Variants in RORB observed in about 807,000 individuals in gnomAD.
RORB encodes the protein RAR related orphan receptor B.
RORB carries 6 observed loss-of-function variants against 59.1 expected under a neutral mutation model. The observed-to-expected ratio is 0.10, with a 90% CI of 0.06 to 0.20. The LOEUF is 0.20. Ranked by LOEUF, RORB falls within the 10% of genes least tolerant of loss-of-function variation. The pLI is 1.00. For synonymous variants in RORB, 215 were observed against 204.5 expected (o/e 1.05, Z -0.44); for missense variants, 320 against 560.5 (o/e 0.57, Z 4.33).
chr9:74,595,003 G>A (rs1822950581), intron 1 of RORB, among the ~76,000 whole-genome samples: 1 of 152,078 alleles, frequency 6.6e-6, no homozygotes, highest in Non-Finnish European at 1.5e-5. Context: ...ATAAAACCCA[G>A]GCCCTAAGGA....
chr9:74,679,928 C>T (rs1165930827), intron 9 of RORB, among the ~76,000 whole-genome samples: 1 of 151,968 alleles, frequency 6.6e-6, no homozygotes, highest in Admixed American at 6.6e-5. Flanking sequence ...TGGTGAAATC[C>T]CATCTGTACT....
chr9:74,505,018 G>T (rs560694407), intron 1 of RORB, among the ~76,000 whole-genome samples: 3 of 152,072 alleles, frequency 2.0e-5, no homozygotes, highest in East Asian at 3.9e-4. Context: ...GACTGAATTA[G>T]ATGTACAAAT....
At chr9:74,632,596 CAAT>C (rs770998969) in intron 2 of RORB, among the ~76,000 whole-genome samples, 1 of 151,998 alleles carries the variant, frequency 6.6e-6, no homozygotes. Context: ...ACCTCATTTG[CAAT>C]AATGAGCAAC....
intron 1 of RORB, among the ~76,000 whole-genome samples, chr9:74,536,257 G>A (rs1393715339): frequency 6.6e-6 from 1 of 151,908 alleles, no homozygotes; most frequent in African/African-American, 2.4e-5. Flanking sequence ...CTAAAATACT[G>A]CATTAAAACT....
At chr9:74,651,304 G>A (rs1211914892) in intron 4 of RORB, among the ~76,000 whole-genome samples, 1 of 152,176 alleles carries the variant, frequency 6.6e-6, no homozygotes, top group African/African-American at 2.4e-5. Context: ...GGAGCCCAAG[G>A]CAGGTGGATC....
intron 1 of RORB, among the ~76,000 whole-genome samples, chr9:74,575,461 C>T (rs1192657781): frequency 1.3e-5 from 2 of 152,112 alleles, no homozygotes; most frequent in Non-Finnish European, 2.9e-5. Context: ...GCCCCCTGAG[C>T]AGTACAGGAA....
Position 74,641,705 on chromosome 9 carries a change from A to T in RORB, c.236-709A>T, listed in dbSNP as rs185278441. ...CACTTGAGGCCAGGAGTTCAAGACC[A>T]GCCTGGGCAATATAGCAAGGCCCCG... On this transcript the variant is annotated intron_variant, in intron 3 of 9. Coordinates refer to ENST00000376896, the MANE Select transcript of RORB (RefSeq NM_006914.4). Among the ~76,000 whole-genome samples, 274 of 152,064 alleles carry T rather than the reference A, an allele frequency of 1.8e-3. 1 individual carries two copies. The highest frequency in any genetic ancestry group is 2.1e-3 in the Non-Finnish European group (142 of 67,988).
At position 74,642,666 on chromosome 9, in the gene RORB, C is replaced by A; in HGVS notation, c.488C>A (p.Pro163Gln). ...TATTACAACGTCGATTCCGGTCAGC[C>A]GTCCCCTGATCAGTCAGGACTTGAC... is the stretch of plus-strand genomic sequence containing the variant. ...EGYYNVDSGQ[P>Q]SPDQSGLDMT... Residue 163 changes from proline to glutamine, a missense_variant, in exon 4 of 10, where the codon CCG becomes CAG. By Grantham distance (76) the Pro-to-Gln change is moderately conservative. Transcript: ENST00000376896. 6.2e-7 allele frequency: 1 copy of A among 1,614,176 alleles called. No homozygotes were observed. Among genetic ancestry groups the A allele is most frequent in the Non-Finnish European group, 8.5e-7 (1 of 1,180,030 alleles).
chr9:74,634,606 C>T lies in RORB; in HGVS notation c.94-25C>T, dbSNP rs754850432. ...GTTTCCCTTCTTATAAATCTGTTTC[C>T]CTCCCCTTCTCTTTTTCCCTCAAGG... On this transcript the variant is annotated intron_variant, in intron 2 of 9. Coordinates refer to ENST00000376896, the MANE Select transcript of RORB (RefSeq NM_006914.4). 4.4e-6 allele frequency: 7 copies of T among 1,580,174 alleles called. No homozygotes were observed. In the South Asian group the frequency reaches 7.0e-5, roughly 16 times the overall value.
chr9:74,599,912 A>G (rs184347467), intron 1 of RORB, among the ~76,000 whole-genome samples: 1 of 152,328 alleles, frequency 6.6e-6, no homozygotes, highest in African/African-American at 2.4e-5. Flanking sequence ...TGGAGCCACT[A>G]AGAACCAGGT....
At chr9:74,511,045 TA>T (rs1825930591) in intron 1 of RORB, among the ~76,000 whole-genome samples, 1 of 152,208 alleles carries the variant, frequency 6.6e-6, no homozygotes, top group Non-Finnish European at 1.5e-5. Flanking sequence ...ACTTTATACC[TA>T]AAGACCTGTG....
chr9:74,498,264 C>CT, intron 1 of RORB: 2 of 480,530 alleles, frequency 4.2e-6, no homozygotes, highest in East Asian at 3.1e-5. Context: ...TGCACTGAAT[C>CT]TTTTTTGCTT....
At chr9:74,502,326 G>T (rs1011061496) in intron 1 of RORB, among the ~76,000 whole-genome samples, 2 of 151,948 alleles carry the variant, frequency 1.3e-5, no homozygotes, top group Admixed American at 1.3e-4. Context: ...TCCCCCAAAA[G>T]TAGCGTATAC....
At chr9:74,648,988 C>T (rs767405302) in intron 4 of RORB, among the ~76,000 whole-genome samples, 14 of 148,360 alleles carry the variant, frequency 9.4e-5, no homozygotes, top group Non-Finnish European at 1.8e-4. Context: ...TTTTTTTCGA[C>T]GGAGTCTGCC....
At chr9:74,550,203 G>A (rs1331453634) in intron 1 of RORB, among the ~76,000 whole-genome samples, 1 of 151,760 alleles carries the variant, frequency 6.6e-6, no homozygotes, top group East Asian at 1.9e-4. Context: ...TTAATCTCTG[G>A]CATTTTTTCA....
At chr9:74,499,328 G>T (rs911904358) in intron 1 of RORB, among the ~76,000 whole-genome samples, 45 of 152,166 alleles carry the variant, frequency 3.0e-4, no homozygotes, top group African/African-American at 1.0e-3. Flanking sequence ...GTCCCCCTAC[G>T]CCCCTAGAGG....
chr9:74,555,941 AT>A (rs1822279963), intron 1 of RORB, among the ~76,000 whole-genome samples: 1 of 152,208 alleles, frequency 6.6e-6, no homozygotes, highest in Non-Finnish European at 1.5e-5. Flanking sequence ...CAGTGTTCAC[AT>A]TTTTAAAATA....
chr9:74,585,482 C>T (rs772204877), intron 1 of RORB, among the ~76,000 whole-genome samples: 4 of 152,146 alleles, frequency 2.6e-5, no homozygotes, highest in Non-Finnish European at 5.9e-5. Context: ...CAAATTATTC[C>T]GAAGTTGTCA....
At chr9:74,573,534 T>C (rs1822585221) in intron 1 of RORB, among the ~76,000 whole-genome samples, 1 of 151,346 alleles carries the variant, frequency 6.6e-6, no homozygotes, top group Non-Finnish European at 1.5e-5. Flanking sequence ...ATTGATGTAC[T>C]CTATGTGACT....
Sources: allele counts gnomAD v4.1 joint callset (sites outside exome capture counted in the v4.1 genomes callset), GRCh38; gene constraint gnomAD v4.1.1; transcripts MANE v1.5; gene names NCBI Gene and HGNC (gene_info 2026-07-23, HGNC 2026-07-21).